Variants in NKAIN2 observed in about 807,000 individuals in gnomAD.
The protein encoded by NKAIN2 is sodium/potassium transporting ATPase interacting 2.
NKAIN2 carries 14 observed loss-of-function variants against 32.6 expected under a neutral mutation model. The observed-to-expected ratio is 0.43, with a 90% CI of 0.28 to 0.67. The LOEUF (loss-of-function observed/expected upper bound fraction) is 0.67, where lower values mean the gene tolerates loss of function less well. NKAIN2 is among the 30% of genes least tolerant of loss of function. The pLI, the probability that NKAIN2 is intolerant of heterozygous loss-of-function variation, is 0.17. For synonymous variants in NKAIN2, 80 were observed against 87.2 expected, an observed-to-expected ratio of 0.92 and a Z score of 0.46; for missense variants, 198 against 258.3, an observed-to-expected ratio of 0.77 and a Z score of 1.60.
intron 1 of NKAIN2, among the ~76,000 whole-genome samples, chr6:124,159,758 C>G (rs776114569): frequency 6.6e-6 from 1 of 152,048 alleles, no homozygotes; most frequent in Non-Finnish European, 1.5e-5. Context: ...GAAACCCAAG[C>G]GCAAGAGGCT....
At chr6:124,775,377 C>T (rs1583840716) in intron 4 of NKAIN2, among the ~76,000 whole-genome samples, 1 of 152,184 alleles carries the variant, frequency 6.6e-6, no homozygotes, top group East Asian at 1.9e-4. Context: ...AACTTCTGTT[C>T]GTATTCATTG....
chr6:124,748,506 C>G (rs1395117540), intron 4 of NKAIN2, among the ~76,000 whole-genome samples: 10 of 151,948 alleles, frequency 6.6e-5, no homozygotes, highest in Admixed American at 6.6e-4. Flanking sequence ...ACCTGCTTGT[C>G]CCAAAGAGCT....
chr6:124,312,222 TGA>T, intron 2 of NKAIN2, among the ~76,000 whole-genome samples: 1 of 152,170 alleles, frequency 6.6e-6, no homozygotes, highest in Non-Finnish European at 1.5e-5. Context: ...AAGACTTCTG[TGA>T]CTTAATGTGC....
chr6:124,181,479 T>G (rs1789444060), intron 1 of NKAIN2, among the ~76,000 whole-genome samples: 2 of 152,184 alleles, frequency 1.3e-5, no homozygotes, highest in African/African-American at 4.8e-5. Context: ...CTGCAAATTT[T>G]CTGAACTTTT....
At position 124,064,531 on chromosome 6, in the gene NKAIN2, G is replaced by C. The variant is rs1251075976; in HGVS notation, c.55-218474G>C. On this transcript the variant is annotated intron_variant, in intron 1 of 6. Coordinates refer to ENST00000368417, the MANE Select transcript of NKAIN2 (RefSeq NM_001040214.3). ...TAGGCCATTTTTGAGGGTGAGATTA[G>C]TTAAAACTAGAAAACAAAATCTCCA... 2.0e-5 allele frequency among the ~76,000 whole-genome samples: 3 copies of C among 150,998 alleles called. No individual in the cohort carries two copies. In the South Asian group the frequency reaches 6.3e-4, roughly 32 times the overall value.
chr6:124,360,243 T>G lies in NKAIN2; in HGVS notation c.273+4896T>G, dbSNP rs535562442. 3.4e-3 allele frequency among the ~76,000 whole-genome samples: 523 copies of G among 152,280 alleles called. 7 individuals carry two copies. Among genetic ancestry groups the G allele is most frequent in the Non-Finnish European group, 3.6e-3 (244 of 68,028 alleles). The stretch of plus-strand genomic sequence containing the variant: ...TTGGTCTAAAATTCTCTTTTTTGGT[T>G]GTGTCTCTGCCAGGCTTTGGTATCA... On this transcript the variant is annotated intron_variant, in intron 3 of 6. Coordinates refer to ENST00000368417, the MANE Select transcript of NKAIN2 (RefSeq NM_001040214.3).
intron 1 of NKAIN2, among the ~76,000 whole-genome samples, chr6:124,211,471 T>A (rs1406103510): frequency 6.6e-6 from 1 of 151,906 alleles, no homozygotes; most frequent in Non-Finnish European, 1.5e-5. Context: ...TTGTTATTTG[T>A]TAGATACTTT....
chr6:124,415,237 G>C (rs1774409438), intron 3 of NKAIN2, among the ~76,000 whole-genome samples: 1 of 152,142 alleles, frequency 6.6e-6, no homozygotes, highest in African/African-American at 2.4e-5. Flanking sequence ...TGGTGGTTTT[G>C]TCTGTGCTTC....
intron 3 of NKAIN2, among the ~76,000 whole-genome samples, chr6:124,357,167 A>G (rs147695760): frequency 1.3e-4 from 20 of 152,252 alleles, no homozygotes; most frequent in African/African-American, 4.8e-4. Flanking sequence ...TTTTCTTCTC[A>G]TCCTATAAAC....
chr6:124,392,073 A>C (rs1321423085), intron 3 of NKAIN2, among the ~76,000 whole-genome samples: 1 of 152,206 alleles, frequency 6.6e-6, no homozygotes, highest in Non-Finnish European at 1.5e-5. Context: ...TCTATTATAT[A>C]AATGATATTT....
chr6:124,293,068 TGAG>T (rs1795890555), intron 2 of NKAIN2, among the ~76,000 whole-genome samples: 1 of 152,120 alleles, frequency 6.6e-6, no homozygotes, highest in Non-Finnish European at 1.5e-5. Context: ...TGAATTTAAA[TGAG>T]AAGACTTTTT....
At chr6:124,253,609 A>G (rs1793785497) in intron 1 of NKAIN2, among the ~76,000 whole-genome samples, 1 of 152,102 alleles carries the variant, frequency 6.6e-6, no homozygotes, top group African/African-American at 2.4e-5. Context: ...TTCAATTACT[A>G]CTATTATTTA....
chr6:123,935,024 C>T (rs1332268085), intron 1 of NKAIN2, among the ~76,000 whole-genome samples: 1 of 145,630 alleles, frequency 6.9e-6, no homozygotes, highest in African/African-American at 2.5e-5. Flanking sequence ...TAATTTGGAG[C>T]CAGAAAGAAC....
intron 1 of NKAIN2, among the ~76,000 whole-genome samples, chr6:124,020,066 C>T (rs1780797158): frequency 6.6e-6 from 1 of 152,152 alleles, no homozygotes; most frequent in African/African-American, 2.4e-5. Context: ...AATATTATCA[C>T]TTTGAGGGAT....
intron 2 of NKAIN2, among the ~76,000 whole-genome samples, chr6:124,286,658 G>GTA (rs1795558315): frequency 7.7e-6 from 1 of 130,420 alleles, no homozygotes; most frequent in Admixed American, 7.2e-5. Flanking sequence ...GTGTGTGTGT[G>GTA]TGTGTGTGTG....
intron 1 of NKAIN2, among the ~76,000 whole-genome samples, chr6:124,117,876 G>A (rs1393149545): frequency 5.3e-5 from 8 of 150,002 alleles, no homozygotes; most frequent in Non-Finnish European, 1.2e-4. Flanking sequence ...AAACTCCCAT[G>A]TGCAGACATT....
At chr6:124,646,939 A>G (rs1370308107) in intron 3 of NKAIN2, among the ~76,000 whole-genome samples, 1 of 152,118 alleles carries the variant, frequency 6.6e-6, no homozygotes, top group Non-Finnish European at 1.5e-5. Context: ...TGACAGAGGA[A>G]GACTCCGTCT....
rs34030256 is a variant in NKAIN2 at position 124,454,096 on chromosome 6, GTT to G, written c.273+98758_273+98759del. Among the ~76,000 whole-genome samples, 618 of 83,290 alleles carry G rather than the reference GTT, an allele frequency of 7.4e-3. 8 individuals carry two copies. Among genetic ancestry groups the G allele is most frequent in the Admixed American group, 0.044 (378 of 8,556 alleles). The allele number at this position is 83,290 out of a possible 152,430, so 54.6% of individuals were successfully genotyped here. A position where few individuals can be genotyped will look rare whatever the true frequency, so the allele number is the denominator to read the frequency against. On this transcript the variant is annotated intron_variant, in intron 3 of 6. Transcript: ENST00000368417. ...AATACTTAGTTCTTTAATATGTTGGGTTTTTTTTTTGGGGGGGGGGGTTGCTG... is the reference window on the plus strand; with the variant it reads ...AATACTTAGTTCTTTAATATGTTGGGTTTTTTTTGGGGGGGGGGGTTGCTG...
chr6:124,791,581 G>A (rs146849754), intron 5 of NKAIN2, among the ~76,000 whole-genome samples, 182 bp downstream of exon 5: 150 of 152,236 alleles, frequency 9.9e-4, no homozygotes, highest in Non-Finnish European at 1.8e-3. Flanking sequence ...CTGAAGAATG[G>A]AGAAGCACCC....
Sources: gnomAD v4.1 joint callset for allele counts (sites outside exome capture counted in the v4.1 genomes callset) on GRCh38, gnomAD v4.1.1 for gene constraint, MANE v1.5 for transcripts, NCBI Gene and HGNC (gene_info 2026-07-23, HGNC 2026-07-21) for gene names.